Variants in PPOX observed in about 807,000 individuals in gnomAD.
PPOX encodes protoporphyrinogen oxidase.
A neutral mutation model predicts 54.1 loss-of-function variants in PPOX; 23 were observed. That is an observed-to-expected ratio of 0.43 (90% confidence interval 0.31 to 0.60). The LOEUF (loss-of-function observed/expected upper bound fraction) is 0.60, where lower values mean the gene tolerates loss of function less well. PPOX is among the 20% of genes least tolerant of loss of function. PPOX has a pLI of 0.13. For synonymous variants in PPOX, 224 were observed against 236.1 expected (o/e 0.95, Z 0.47); for missense variants, 512 against 601.1 (o/e 0.85, Z 1.55).
At chr1:161,166,405 C>A (rs1196497182), upstream of PPOX, 3 of 1,108,182 alleles carry the variant, frequency 2.7e-6, no homozygotes, top group African/African-American at 1.6e-5. Context: ...TAGGGTTAGG[C>A]GCGTGCCGCG....
intron 2 of PPOX, 47 bp from the exon 3 acceptor site, chr1:161,167,050 TCGC>T: frequency 6.2e-7 from 1 of 1,614,010 alleles, no homozygotes; most frequent in Non-Finnish European, 8.5e-7. Flanking sequence ...TCCTGACCTC[TCGC>T]CGGCGGCTAC....
At chr1:161,177,906 C>T (rs931125307), downstream of PPOX, 2 of 152,214 alleles carry the variant, frequency 1.3e-5, no homozygotes, top group African/African-American at 4.8e-5. Context: ...TTGTTCCTTA[C>T]GCAGGCTACA....
downstream of PPOX, chr1:161,172,407 C>T: frequency 7.9e-7 from 1 of 1,263,866 alleles, no homozygotes; most frequent in Non-Finnish European, 1.1e-6. Flanking sequence ...TTTCTGTACA[C>T]ACAAAAAAAC....
Position 161,169,116 on chromosome 1 carries a change from G to A in PPOX, c.740G>A (p.Arg247Lys), listed in dbSNP as rs1469972274. Residue 247 changes from arginine (R) to lysine (K), a missense_variant, in exon 7 of 13, where the codon AGG becomes AAG. By Grantham distance (26) the Arg-to-Lys change is conservative (BLOSUM62 2). Coordinates refer to ENST00000367999, the MANE Select transcript of PPOX (RefSeq NM_001122764.3). ...GCCCTTGAAACCCACCTGACTAGTAGGGGGGTCAGTGTTCTCAGAGGCCAG... is the reference window on the plus strand; with the variant it reads ...GCCCTTGAAACCCACCTGACTAGTAAGGGGGTCAGTGTTCTCAGAGGCCAG... ...PQALETHLTSRGVSVLRGQPV... is the reference protein window; with the variant it reads ...PQALETHLTSKGVSVLRGQPV... 1.2e-6 allele frequency: 2 copies of A among 1,614,210 alleles called. No homozygotes were observed. The highest frequency in any genetic ancestry group is 2.2e-5 in the East Asian group (1 of 44,888).
In PPOX at chr1:161,167,158, C is replaced by T. The variant is rs766818187; in HGVS notation, c.146C>T (p.Pro49Leu). The T allele has an allele frequency of 6.2e-7, 1 of 1,614,196 alleles. No individual in the cohort carries two copies. Among genetic ancestry groups the T allele is most frequent in the South Asian group, 1.1e-5 (1 of 91,086 alleles). ...LGGWIRSVRG[P>L]NGAIFELGPR... ...GGCTGGATTCGCTCCGTTCGAGGCC[C>T]TAATGGTGCTATCTTTGAGCTTGGA... Residue 49 changes from proline to leucine, a missense_variant, in exon 3 of 13, where the codon CCT becomes CTT. Transcript: ENST00000367999.
upstream of PPOX, chr1:161,166,282 G>C: frequency 2.0e-6 from 2 of 1,011,454 alleles, no homozygotes; most frequent in South Asian, 7.5e-5. Context: ...GCGCTAACAC[G>C]GTTAACCTCC....
Position 161,170,043 on chromosome 1 carries a change from G to A in PPOX, c.987+19G>A. On this transcript the variant is annotated intron_variant, in intron 9 of 12. Transcript: ENST00000367999. ...TGTCCAGGTATGATAAAGGGACGGA[G>A]AGGCTGGGCATGGTGGCTCACACCT... 6.2e-7 allele frequency: 1 copy of A among 1,605,556 alleles called. No homozygotes were observed. The highest frequency in any genetic ancestry group is 8.5e-7 in the Non-Finnish European group (1 of 1,176,574).
chr1:161,171,829 C>G (rs753511474), downstream of PPOX: 2 of 1,613,930 alleles, frequency 1.2e-6, no homozygotes, highest in Admixed American at 1.7e-5. Context: ...GTGTGAACCT[C>G]GGAGGGCTGT....
chr1:161,174,138 T>A, downstream of PPOX: 1 of 1,412,456 alleles, frequency 7.1e-7, no homozygotes, highest in East Asian at 2.3e-5. Context: ...CCGGGCGCGG[T>A]GGCTTACGCC....
chr1:161,166,430 G>C lies in PPOX; in HGVS notation c.-251G>C, dbSNP rs368129128. 7.2e-4 allele frequency: 822 copies of C among 1,136,996 alleles called. 7 individuals are homozygous for C. In the South Asian group the frequency reaches 8.1e-3, roughly 11 times the overall value. 70.4% of individuals were successfully genotyped at this position (1,136,996 alleles called of 1,614,324 possible). A position where few individuals can be genotyped will look rare whatever the true frequency, so the allele number is the denominator to read the frequency against. The stretch of plus-strand genomic sequence containing the variant: ...CGCGTGCCGCGAGAACAGAGTGGAC[G>C]GAGCGTAGGAGAGACCGAAAAGGCT... On this transcript the variant is annotated 5_prime_UTR_variant, in exon 1 of 13. Transcript: ENST00000367999.
downstream of PPOX, chr1:161,174,827 TG>T (rs1393308530): frequency 2.9e-6 from 2 of 683,136 alleles, no homozygotes; most frequent in Non-Finnish European, 5.0e-6. Flanking sequence ...AGGAAAAGTA[TG>T]GGACTAACAA....
chr1:161,172,108 A>G (rs770071099), downstream of PPOX: 1 of 1,612,702 alleles, frequency 6.2e-7, no homozygotes, highest in African/African-American at 1.3e-5. Context: ...TAGAGGTTGG[A>G]GACTAAGACC....
rs140693401 is a variant in PPOX, at chr1:161,166,470, C to A, written c.-211C>A. Reference sequence around the variant, plus strand: ...CCGAAAAGGCTGGGGGTGGGAGTAGCGGATTTGAAGCACTTGTTGGCCTAC... The same window carrying A: ...CCGAAAAGGCTGGGGGTGGGAGTAGAGGATTTGAAGCACTTGTTGGCCTAC... On this transcript the variant is annotated 5_prime_UTR_variant, in exon 1 of 13. Coordinates refer to ENST00000367999, the MANE Select transcript of PPOX (RefSeq NM_001122764.3). 1.6e-5 allele frequency: 20 copies of A among 1,236,534 alleles called. No homozygotes were observed. The highest frequency in any genetic ancestry group is 2.0e-5 in the Non-Finnish European group (20 of 976,022). 76.6% of individuals were successfully genotyped at this position (1,236,534 alleles called of 1,614,324 possible). A position where few individuals can be genotyped will look rare whatever the true frequency, so the allele number is the denominator to read the frequency against.
At position 161,168,990 on chromosome 1, in the gene PPOX, C is replaced by A. The variant is rs2101876167; in HGVS notation, c.617-3C>A. The A allele has an allele frequency of 2.5e-6, 4 of 1,613,740 alleles. No homozygotes were observed. The highest frequency in any genetic ancestry group is 3.4e-6 in the Non-Finnish European group (4 of 1,180,012). On this transcript the variant is annotated splice_polypyrimidine_tract_variant and splice_region_variant and intron_variant, in intron 6 of 12. Transcript: ENST00000367999. ...CAATGATTCTTCTTTGCTTCCTCTG[C>A]AGGGCGGACCCCACAGCCAGACTCA... is the stretch of plus-strand genomic sequence containing the variant.
At chr1:161,176,254 C>T in intron 4 of PPOX, 1 of 696,962 alleles carries the variant, frequency 1.4e-6, no homozygotes, top group Non-Finnish European at 2.3e-6. Flanking sequence ...CACCAGTAAC[C>T]CTACCACCTG....
chr1:161,176,973 G>A (rs1220908983), exon 5 of PPOX: 1 of 1,536,154 alleles, frequency 6.5e-7, no homozygotes, highest in East Asian at 2.4e-5. Flanking sequence ...CAACTCCTCA[G>A]GTGCAGGGAC....
downstream of PPOX, chr1:161,175,085 C>T: frequency 1.9e-6 from 3 of 1,614,036 alleles, no homozygotes; most frequent in East Asian, 2.2e-5. Context: ...TGCTCCCGGG[C>T]ACGATGAGGC....
chr1:161,174,852 G>A, downstream of PPOX: 1 of 834,240 alleles, frequency 1.2e-6, no homozygotes, highest in Non-Finnish European at 1.9e-6. Flanking sequence ...TGGAAGAGCA[G>A]TGCCGGGTGC....
chr1:161,168,476 A>G lies in PPOX; in HGVS notation c.516A>G (p.Ala172=). The G allele has an allele frequency of 6.2e-7, 1 of 1,614,114 alleles. No homozygotes were observed. Among genetic ancestry groups the G allele is most frequent in the South Asian group, 1.1e-5 (1 of 91,078 alleles). ...ACAGTCTCTGCCGTGGAGTGTTTGC[A>G]GGCAACAGCCGTGAGCTCAGCATCA... The part of the protein sequence containing the change: ...AMDSLCRGVF[A]GNSRELSIRS... The change falls in exon 6 of 13, where the codon GCA becomes GCG. Residue 172 remains alanine (A), a synonymous_variant. Coordinates refer to ENST00000367999, the MANE Select transcript of PPOX (RefSeq NM_001122764.3).
Sources: allele counts gnomAD v4.1 joint callset, GRCh38; gene constraint gnomAD v4.1.1; transcripts MANE v1.5; gene names NCBI Gene and HGNC (gene_info 2026-07-23, HGNC 2026-07-21).